LRPPRC: variants seen among roughly 807,000 people sequenced by gnomAD.
LRPPRC encodes leucine-rich PPR motif-containing protein, mitochondrial.
Under a neutral mutation model 180.3 loss-of-function variants are expected in LRPPRC, and 120 were observed. The observed-to-expected ratio is 0.67, with a 90% CI of 0.57 to 0.77. The LOEUF (loss-of-function observed/expected upper bound fraction) is 0.77. Among genes scored for constraint, LRPPRC ranks in the 30% least tolerant of loss-of-function variants. The probability of loss-of-function intolerance (pLI) is 0.00; values close to 1 mark genes in which losing one functional copy is unlikely to be tolerated. For missense variants in LRPPRC, 2,012 were observed against 1,657.2 expected, an observed-to-expected ratio of 1.21 and a Z score of -3.72; for synonymous variants, 723 against 600.0, an observed-to-expected ratio of 1.21 and a Z score of -3.00.
At position 43,918,822 on chromosome 2, in the gene LRPPRC, T is replaced by G. The variant is rs926338426; in HGVS notation, c.2897-424A>C. On this transcript the variant is annotated intron_variant, in intron 27 of 37. Transcript: ENST00000260665. ...ATATATATATATAGATATATATATATCTATATATAGATATCTCTATATATA... is the reference window on the plus strand; with the variant it reads ...ATATATATATATAGATATATATATAGCTATATATAGATATCTCTATATATA... Among the ~76,000 whole-genome samples the G allele has an allele frequency of 1.0e-4, 15 of 143,376 alleles. No individual in the cohort carries two copies. In the South Asian group the frequency reaches 1.6e-3, roughly 15 times the overall value. The allele number at this position is 143,376 out of a possible 152,430, so 94.1% of individuals were successfully genotyped here.
chr2:43,992,502 G>T (rs1247225553), intron 1 of LRPPRC, among the ~76,000 whole-genome samples: 1 of 152,190 alleles, frequency 6.6e-6, no homozygotes, highest in Admixed American at 6.5e-5. Context: ...GTGCTAAAGA[G>T]TCTGGATCTC....
chr2:43,940,441 T>C (rs544449817), intron 23 of LRPPRC, among the ~76,000 whole-genome samples: 8 of 152,292 alleles, frequency 5.3e-5, no homozygotes, highest in South Asian at 2.1e-4. Flanking sequence ...CTTAGAGAAA[T>C]TGTGACCTTT....
In LRPPRC at chr2:43,896,621, T is replaced by A; in HGVS notation, c.3900+13A>T. On this transcript the variant is annotated intron_variant, in intron 35 of 37. Coordinates refer to ENST00000260665, the MANE Select transcript of LRPPRC (RefSeq NM_133259.4). ...ACAGTATCATTGATTTGTAAGCAGG[T>A]AAAGCACAGTACCTTTCCTTGTTTC... The A allele has an allele frequency of 1.3e-6, 2 of 1,571,994 alleles. No homozygotes were observed. Among genetic ancestry groups the A allele is most frequent in the Non-Finnish European group, 8.8e-7 (1 of 1,142,152 alleles).
intron 1 of LRPPRC, among the ~76,000 whole-genome samples, chr2:43,993,277 T>A (rs1436600198): frequency 6.6e-6 from 1 of 152,196 alleles, no homozygotes; most frequent in Admixed American, 6.5e-5. Flanking sequence ...TTGACATAAT[T>A]AAGGGTGATT....
At chr2:43,964,662 C>A (rs1053390987) in intron 11 of LRPPRC, among the ~76,000 whole-genome samples, 5 of 151,954 alleles carry the variant, frequency 3.3e-5, no homozygotes, top group African/African-American at 1.2e-4. Flanking sequence ...ATTATAAATA[C>A]CTGCACATTT....
chr2:43,982,417 G>A lies in LRPPRC; in HGVS notation c.167C>T (p.Ala56Val). 1 of 1,613,290 alleles carries A rather than the reference G, an allele frequency of 6.2e-7. No homozygotes were observed. The highest frequency in any genetic ancestry group is 8.5e-7 in the Non-Finnish European group (1 of 1,179,286). Residue 56 changes from alanine (A) to valine (V), a missense_variant, in exon 2 of 38, where the codon GCC (alanine) becomes GTC (valine). Coordinates refer to ENST00000260665, the MANE Select transcript of LRPPRC (RefSeq NM_133259.4). ...TTTGGCAGCAATGGCATACAGCCTGGCTGGGCTCAGTAGTCCTCTAAAAAA... is the reference window on the plus strand; with the variant it reads ...TTTGGCAGCAATGGCATACAGCCTGACTGGGCTCAGTAGTCCTCTAAAAAA... ...GPVAGGLLSP[A>V]RLYAIAAKEK...
chr2:43,976,175 G>A lies in LRPPRC; in HGVS notation c.705C>T (p.Phe235=), dbSNP rs1361571171. The A allele has an allele frequency of 2.5e-6, 4 of 1,612,666 alleles. No individual in the cohort carries two copies. In the Admixed American group the frequency reaches 5.0e-5, roughly 20 times the overall value. ...TKDLPVTEAV[F]SALVTGHARA... ...TGGCATGCCCTGTCACAAGGGCACT[G>A]AATACTGCCTCTGTAACTGGGAGAT... The change falls in exon 6 of 38, where the codon TTC becomes TTT. Residue 235 remains phenylalanine (F), a synonymous_variant. Transcript: ENST00000260665.
chr2:43,967,396 G>T (rs971661490), intron 11 of LRPPRC, among the ~76,000 whole-genome samples: 15 of 72,186 alleles, frequency 2.1e-4, no homozygotes, highest in African/African-American at 8.3e-4. Flanking sequence ...ATGATCGATT[G>T]ATAGAAAGAC....
intron 27 of LRPPRC, among the ~76,000 whole-genome samples, chr2:43,922,675 C>T (rs1371492399): frequency 1.3e-5 from 2 of 152,128 alleles, no homozygotes; most frequent in Non-Finnish European, 2.9e-5. Context: ...AAGAGAATGG[C>T]GTGAACCCGG....
chr2:43,963,966 T>A (rs1451181215), intron 11 of LRPPRC, among the ~76,000 whole-genome samples: 1 of 152,178 alleles, frequency 6.6e-6, no homozygotes, highest in Non-Finnish European at 1.5e-5. Flanking sequence ...CTTGAAACAA[T>A]TAAGCAATGT....
intron 11 of LRPPRC, among the ~76,000 whole-genome samples, chr2:43,965,631 T>C (rs1263856158): frequency 1.3e-5 from 2 of 152,070 alleles, no homozygotes; most frequent in Admixed American, 6.5e-5. Flanking sequence ...GGCTAATACC[T>C]AAAATATATA....
chr2:43,946,927 G>C (rs1307662618), intron 20 of LRPPRC, among the ~76,000 whole-genome samples: 1 of 152,040 alleles, frequency 6.6e-6, no homozygotes, highest in African/African-American at 2.4e-5. Context: ...TATTTGACTT[G>C]CAAATGACTA....
intron 32 of LRPPRC, 56 bp from the exon 33 acceptor site, chr2:43,899,661 C>T: frequency 8.5e-7 from 1 of 1,181,422 alleles, no homozygotes; most frequent in Non-Finnish European, 1.3e-6. Context: ...ATATTACAGG[C>T]AGTTTAGTCT....
intron 1 of LRPPRC, among the ~76,000 whole-genome samples, chr2:43,991,533 G>A (rs1048704194): frequency 6.6e-6 from 1 of 152,120 alleles, no homozygotes; most frequent in African/African-American, 2.4e-5. Flanking sequence ...AAGTATACAA[G>A]TATTATGCTA....
intron 1 of LRPPRC, 86 bp downstream of exon 1, chr2:43,995,713 A>C: frequency 2.5e-6 from 3 of 1,217,176 alleles, no homozygotes; most frequent in Non-Finnish European, 3.2e-6. Flanking sequence ...TGGCGAGCAC[A>C]GGCAGGACCC....
intron 36 of LRPPRC, among the ~76,000 whole-genome samples, chr2:43,891,233 C>T (rs376925519): frequency 2.6e-5 from 4 of 152,320 alleles, no homozygotes; most frequent in African/African-American, 7.2e-5. Flanking sequence ...CCTTTCTTTA[C>T]TTCTTGATTT....
At chr2:43,893,364 G>A (rs567152889) in intron 36 of LRPPRC, among the ~76,000 whole-genome samples, 2 of 152,158 alleles carry the variant, frequency 1.3e-5, no homozygotes, top group African/African-American at 4.8e-5. Context: ...GCATACTACA[G>A]AGAACTCTTT....
rs1390752626 is a variant in LRPPRC at position 43,957,400 on chromosome 2, A to AG, written c.1633dup (p.Leu545ProfsTer43). ...ATCATCTTACCTCCTGAAGCCTAGC[A>AG]GTAGGCTACTTCTTATAGACTGCAG... On this transcript the variant is annotated frameshift_variant, in exon 14 of 38. Coordinates refer to ENST00000260665, the MANE Select transcript of LRPPRC (RefSeq NM_133259.4). LOFTEE classifies it high-confidence loss of function. 1 of 1,611,524 alleles carries AG rather than the reference A, an allele frequency of 6.2e-7. No homozygotes were observed. The highest frequency in any genetic ancestry group is 2.2e-5 in the East Asian group (1 of 44,840).
intron 1 of LRPPRC, among the ~76,000 whole-genome samples, chr2:43,993,641 AG>A (rs916931084): frequency 9.9e-5 from 15 of 152,078 alleles, no homozygotes; most frequent in Non-Finnish European, 2.1e-4. Context: ...TCCAGGAAAA[AG>A]AGGGAACAAT....
Sources: gnomAD v4.1 joint callset for allele counts (sites outside exome capture counted in the v4.1 genomes callset) on GRCh38, gnomAD v4.1.1 for gene constraint, MANE v1.5 for transcripts, NCBI Gene and HGNC (gene_info 2026-07-23, HGNC 2026-07-21) for gene names.